The following EPHA3 variants were observed in gnomAD, a reference collection of about 807,000 sequenced individuals.
The protein encoded by EPHA3 is ephrin type-A receptor 3.
Under a neutral mutation model 107.1 loss-of-function variants are expected in EPHA3, and 42 were observed. That is an observed-to-expected ratio of 0.39 (90% CI 0.31 to 0.51). The LOEUF (loss-of-function observed/expected upper bound fraction) is 0.51. EPHA3 is among the 20% of genes least tolerant of loss of function. EPHA3 has a pLI of 0.78. For missense variants in EPHA3, 1,183 were observed against 1,211.2 expected, an observed-to-expected ratio of 0.98 and a Z score of 0.35; for synonymous variants, 461 against 424.8, an observed-to-expected ratio of 1.09 and a Z score of -1.05.
intron 7 of EPHA3, chr3:89,400,126 T>C (rs1370156235): frequency 6.8e-6 from 6 of 884,826 alleles, no homozygotes; most frequent in African/African-American, 5.4e-5. Context: ...TAAAATTATG[T>C]CTATGGCACT....
At chr3:89,264,536 T>G (rs1403816286) in intron 3 of EPHA3, among the ~76,000 whole-genome samples, 1 of 152,188 alleles carries the variant, frequency 6.6e-6, no homozygotes, top group African/African-American at 2.4e-5. Context: ...CTAATGTAGA[T>G]GAGTTCTCTT....
At chr3:89,451,949 C>T (rs889058486) in intron 15 of EPHA3, among the ~76,000 whole-genome samples, 1 of 151,294 alleles carries the variant, frequency 6.6e-6, no homozygotes, top group Admixed American at 6.6e-5. Flanking sequence ...AGGTACATTA[C>T]AAGTTTGATT....
At chr3:89,162,282 A>C (rs1236508276) in intron 2 of EPHA3, among the ~76,000 whole-genome samples, 1 of 152,156 alleles carries the variant, frequency 6.6e-6, no homozygotes, top group Non-Finnish European at 1.5e-5. Context: ...AGCAGGAGTA[A>C]ATACAGGAAC....
At chr3:89,190,535 C>T (rs1321227350) in intron 2 of EPHA3, among the ~76,000 whole-genome samples, 1 of 152,070 alleles carries the variant, frequency 6.6e-6, no homozygotes, top group Non-Finnish European at 1.5e-5. Flanking sequence ...GTGGTTTAAA[C>T]AAAAGAAGTA....
At chr3:89,406,717 G>A (rs542619651) in intron 7 of EPHA3, among the ~76,000 whole-genome samples, 1 of 152,152 alleles carries the variant, frequency 6.6e-6, no homozygotes, top group African/African-American at 2.4e-5. Context: ...TTGGCTCCTG[G>A]GCTTTTTTGC....
chr3:89,331,157 A>C (rs947292518), intron 3 of EPHA3, among the ~76,000 whole-genome samples: 17 of 152,166 alleles, frequency 1.1e-4, no homozygotes, highest in African/African-American at 3.9e-4. Context: ...AACTGCACGC[A>C]CATGCACCCA....
At chr3:89,246,491 T>C (rs1705037354) in intron 3 of EPHA3, among the ~76,000 whole-genome samples, 2 of 152,098 alleles carry the variant, frequency 1.3e-5, no homozygotes, top group South Asian at 4.1e-4. Flanking sequence ...TGTACCAGGA[T>C]CCTCTACTGA....
intron 2 of EPHA3, among the ~76,000 whole-genome samples, chr3:89,175,738 T>C (rs181389214): frequency 3.2e-4 from 48 of 152,276 alleles, no homozygotes; most frequent in African/African-American, 1.1e-3. Context: ...GGACGGGTTG[T>C]CATCTAAAAT....
In EPHA3 at chr3:89,341,086, T is replaced by A; in HGVS notation, c.970+15T>A. On this transcript the variant is annotated intron_variant, in intron 4 of 16. Coordinates refer to ENST00000336596, the MANE Select transcript of EPHA3 (RefSeq NM_005233.6). ...GGCTTGTACCCGTGAGTAGTTTTGC[T>A]GCAACCCATGCCTCCATGTTTGTTT... 1 of 1,609,710 alleles carries A rather than the reference T, an allele frequency of 6.2e-7. No homozygotes were observed. Among genetic ancestry groups the A allele is most frequent in the South Asian group, 1.1e-5 (1 of 90,354 alleles).
intron 2 of EPHA3, among the ~76,000 whole-genome samples, chr3:89,147,526 A>G (rs959067091): frequency 2.6e-5 from 4 of 151,928 alleles, no homozygotes; most frequent in African/African-American, 4.8e-5. Flanking sequence ...TTACAGCCAC[A>G]GTGTGTGATA....
intron 15 of EPHA3, among the ~76,000 whole-genome samples, chr3:89,459,491 C>CTCCTTCCTTCTCTCCT (rs1710173773): frequency 1.6e-5 from 2 of 126,306 alleles, no homozygotes; most frequent in African/African-American, 3.5e-5. Context: ...CCTTCCTTCT[C>CTCCTTCCTTCTCTCCT]TCCTTCCTTC....
intron 5 of EPHA3, among the ~76,000 whole-genome samples, chr3:89,351,608 G>T (rs1707821961): frequency 6.6e-6 from 1 of 151,192 alleles, no homozygotes; most frequent in Non-Finnish European, 1.5e-5. Flanking sequence ...CTGTAGACCG[G>T]AGCTGTTCCT....
intron 5 of EPHA3, among the ~76,000 whole-genome samples, chr3:89,385,356 C>T (rs1452137650): frequency 6.6e-6 from 1 of 152,144 alleles, no homozygotes; most frequent in African/African-American, 2.4e-5. Flanking sequence ...ATGGGACGGA[C>T]CCAGTGGGAG....
intron 5 of EPHA3, among the ~76,000 whole-genome samples, chr3:89,377,388 G>A (rs960773013): frequency 2.6e-5 from 4 of 151,988 alleles, no homozygotes; most frequent in Non-Finnish European, 5.9e-5. Context: ...CTTATTTCAG[G>A]ATCTCCTTTT....
At chr3:89,390,325 G>A (rs1376444688) in intron 5 of EPHA3, among the ~76,000 whole-genome samples, 1 of 152,146 alleles carries the variant, frequency 6.6e-6, no homozygotes, top group African/African-American at 2.4e-5. Flanking sequence ...TTGGCCGGGT[G>A]TGGTGGCTCA....
intron 15 of EPHA3, among the ~76,000 whole-genome samples, chr3:89,467,352 T>C (rs1385937463): frequency 6.6e-6 from 1 of 152,116 alleles, no homozygotes; most frequent in Non-Finnish European, 1.5e-5. Context: ...TCACAACAAA[T>C]AAAAAATAAT....
At chr3:89,387,807 A>G (rs1708652548) in intron 5 of EPHA3, among the ~76,000 whole-genome samples, 1 of 152,144 alleles carries the variant, frequency 6.6e-6, no homozygotes, top group Admixed American at 6.5e-5. Flanking sequence ...TTCATTTGTC[A>G]TTACTTTTTT....
chr3:89,458,757 T>C (rs1337397171), intron 15 of EPHA3, among the ~76,000 whole-genome samples: 3 of 152,138 alleles, frequency 2.0e-5, no homozygotes, highest in African/African-American at 7.2e-5. Flanking sequence ...CTATTTACAA[T>C]AGCAAAAACT....
At chr3:89,397,210 T>C (rs915256164) in intron 6 of EPHA3, among the ~76,000 whole-genome samples, 5 of 152,206 alleles carry the variant, frequency 3.3e-5, no homozygotes, top group African/African-American at 1.2e-4. Flanking sequence ...TCTTTTTTAT[T>C]AAAAGAAATT....
Sources: gnomAD v4.1 joint callset for allele counts (sites outside exome capture counted in the v4.1 genomes callset) on GRCh38, gnomAD v4.1.1 for gene constraint, MANE v1.5 for transcripts, NCBI Gene and HGNC (gene_info 2026-07-23, HGNC 2026-07-21) for gene names.